Variants in JAKMIP1 observed in about 807,000 individuals in gnomAD.
JAKMIP1 encodes janus kinase and microtubule interacting protein 1, also known as janus kinase and microtubule-interacting protein 1.
JAKMIP1 carries 33 observed loss-of-function variants against 113.0 expected under a neutral mutation model. The observed-to-expected ratio is 0.29, with a 90% CI of 0.22 to 0.39. The LOEUF is 0.39. JAKMIP1 is among the 10% of genes least tolerant of loss of function. The pLI, the probability that JAKMIP1 is intolerant of heterozygous loss-of-function variation, is 1.00. For missense variants in JAKMIP1, 813 were observed against 1,080.5 expected (o/e 0.75, Z 3.47); for synonymous variants, 480 against 459.9 (o/e 1.04, Z -0.56).
In JAKMIP1 at chr4:6,155,283, A is replaced by G. The variant is rs1351382086; in HGVS notation, c.-147-42286T>C. Among the ~76,000 whole-genome samples, 1 of 152,104 alleles carries G rather than the reference A, an allele frequency of 6.6e-6. No homozygotes were observed. The highest frequency in any genetic ancestry group is 1.5e-5 in the Non-Finnish European group (1 of 68,030). On this transcript the variant is annotated intron_variant, in intron 1 of 20. Transcript: ENST00000409021. The surrounding 1 kb of genome is among the most constrained non-coding windows in gnomAD (Gnocchi z 6.1). ...CCTCCTCTGCGCTCAACGCCTTTTA[A>G]TACCAGCAACCACCACTCAACCACC...
Sources: gnomAD v4.1 joint callset for allele counts (sites outside exome capture counted in the v4.1 genomes callset) on GRCh38, gnomAD v4.1.1 for gene constraint, Gnocchi (gnomAD v3.1) non-coding constraint, MANE v1.5 for transcripts, NCBI Gene and HGNC (gene_info 2026-07-23, HGNC 2026-07-21) for gene names.